Variants in MAP1LC3A observed in about 807,000 individuals in gnomAD.
MAP1LC3A encodes microtubule associated protein 1 light chain 3 alpha, also known as microtubule-associated protein 1 light chain 3 alpha.
MAP1LC3A carries 10 observed loss-of-function variants against 15.2 expected under a neutral mutation model. That is an observed-to-expected ratio of 0.66 (90% CI 0.41 to 1.12). The LOEUF is 1.12. Ranked by LOEUF, MAP1LC3A falls within the 50% of genes most tolerant of loss-of-function variation. MAP1LC3A has a pLI of 0.00. For missense variants in MAP1LC3A, 138 were observed against 167.3 expected (o/e 0.82, Z 0.97); for synonymous variants, 63 against 64.3 (o/e 0.98, Z 0.10).
upstream of MAP1LC3A, among the ~76,000 whole-genome samples, chr20:34,555,355 G>C (rs1198640672): frequency 6.6e-6 from 1 of 152,074 alleles, no homozygotes; most frequent in Admixed American, 6.5e-5. Flanking sequence ...ATGTTGGCCA[G>C]GCTGGTCTCG....
rs367621481 is a variant in MAP1LC3A, at chr20:34,559,465, G to T, written c.203+12G>T. ...GTCAAGATCATCCGGTGCGTGGGCAGCCGCCGCCAGGAGGTGGCTAGGGTC... is the reference window on the plus strand; with the variant it reads ...GTCAAGATCATCCGGTGCGTGGGCATCCGCCGCCAGGAGGTGGCTAGGGTC... On this transcript the variant is annotated intron_variant, in intron 3 of 3. Transcript: ENST00000360668. The T allele has an allele frequency of 2.9e-5, 46 of 1,606,826 alleles. No individual in the cohort carries two copies. Among genetic ancestry groups the T allele is most frequent in the Non-Finnish European group, 3.7e-5 (44 of 1,176,358 alleles).
intron 2 of MAP1LC3A, among the ~76,000 whole-genome samples, chr20:34,550,938 C>A (rs926351479): frequency 1.1e-4 from 16 of 152,088 alleles, no homozygotes; most frequent in Admixed American, 9.8e-4. Flanking sequence ...TCCATGGGAA[C>A]CTACTTGATA....
At chr20:34,551,080 T>C (rs1432117573) in intron 2 of MAP1LC3A, among the ~76,000 whole-genome samples, 2 of 151,532 alleles carry the variant, frequency 1.3e-5, no homozygotes, top group Non-Finnish European at 2.9e-5. Context: ...ACCCTGTCTC[T>C]ACTAAAAATA....
In MAP1LC3A at chr20:34,559,465, G is replaced by A. The variant is rs367621481; in HGVS notation, c.203+12G>A. 1 of 1,606,940 alleles carries A rather than the reference G, an allele frequency of 6.2e-7. No homozygotes were observed. The highest frequency in any genetic ancestry group is 8.5e-7 in the Non-Finnish European group (1 of 1,176,348). On this transcript the variant is annotated intron_variant, in intron 3 of 3. Transcript: ENST00000360668. ...GTCAAGATCATCCGGTGCGTGGGCA[G>A]CCGCCGCCAGGAGGTGGCTAGGGTC...
chr20:34,550,244 C>T (rs45538834), intron 2 of MAP1LC3A, among the ~76,000 whole-genome samples: 33 of 152,288 alleles, frequency 2.2e-4, no homozygotes, highest in Non-Finnish European at 4.1e-4. Context: ...CGAGGGTGCG[C>T]TTGACCGTGG....
rs75188134 is a variant in MAP1LC3A at position 34,553,172 on chromosome 20, G to A, written c.52+3143G>A. On this transcript the variant is annotated intron_variant, in intron 2 of 4. Transcript: ENST00000374837. ...CCGTTGCACTCCCTACCTAGGTGAC[G>A]AGCGAAATTGCATCTCAAAAATGAA... Among the ~76,000 whole-genome samples the A allele has an allele frequency of 4.5e-3, 681 of 152,220 alleles. 29 individuals are homozygous for A. The East Asian group carries it at 0.1, about 23-fold the overall frequency.
chr20:34,548,487 G>A (rs371247999), intron 1 of MAP1LC3A, among the ~76,000 whole-genome samples: 31 of 127,986 alleles, frequency 2.4e-4, no homozygotes, highest in African/African-American at 8.8e-4. Flanking sequence ...CACGCCCCTG[G>A]CTCAAGAGGA....
upstream of MAP1LC3A, chr20:34,558,180 C>T (rs1331167878): frequency 1.0e-6 from 1 of 976,010 alleles, no homozygotes. This position sits in a 1 kb window ranked among gnomAD's most constrained non-coding sequence, Gnocchi z 4.3. Flanking sequence ...CTTCTGTTGT[C>T]CTTTTCTGCC....
At chr20:34,553,969 A>G (rs1982045229), upstream of MAP1LC3A, among the ~76,000 whole-genome samples, 1 of 152,204 alleles carries the variant, frequency 6.6e-6, no homozygotes, top group Non-Finnish European at 1.5e-5. Flanking sequence ...TCCTGGGCAC[A>G]CACAGTGGAA....
chr20:34,550,939 C>T (rs1292836919), intron 2 of MAP1LC3A, among the ~76,000 whole-genome samples: 1 of 152,118 alleles, frequency 6.6e-6, no homozygotes. Flanking sequence ...CCATGGGAAC[C>T]TACTTGATAG....
upstream of MAP1LC3A, chr20:34,558,564 A>C (rs554924165): frequency 8.5e-7 from 1 of 1,173,192 alleles, no homozygotes; most frequent in African/African-American, 1.6e-5. The surrounding 1 kb of genome is among the most constrained non-coding windows in gnomAD (Gnocchi z 4.3). Flanking sequence ...CGGGACTGTG[A>C]CGCGCCCAGA....
intron 2 of MAP1LC3A, among the ~76,000 whole-genome samples, chr20:34,551,773 A>G (rs1981959596): frequency 6.6e-6 from 1 of 151,584 alleles, no homozygotes; most frequent in South Asian, 2.1e-4. Context: ...CATGTTCTCT[A>G]TCTTGAAAGG....
At chr20:34,554,085 G>C (rs991343463), upstream of MAP1LC3A, among the ~76,000 whole-genome samples, 2 of 151,956 alleles carry the variant, frequency 1.3e-5, no homozygotes, top group African/African-American at 4.8e-5. Context: ...GCAGTGGAAA[G>C]AGCCCATCTT....
chr20:34,550,694 G>A (rs1981916240), intron 2 of MAP1LC3A, among the ~76,000 whole-genome samples: 1 of 152,174 alleles, frequency 6.6e-6, no homozygotes, highest in African/African-American at 2.4e-5. Flanking sequence ...AGCACAAAAT[G>A]GAACAGCACT....
upstream of MAP1LC3A, among the ~76,000 whole-genome samples, chr20:34,557,219 A>C (rs191226734): frequency 1.3e-5 from 2 of 151,660 alleles, no homozygotes; most frequent in Admixed American, 1.3e-4. Context: ...CACATTTTCT[A>C]CCTCTGGTTT....
At chr20:34,558,446 C>A (rs1982240716), upstream of MAP1LC3A, 1 of 999,578 alleles carries the variant, frequency 1.0e-6, no homozygotes, top group African/African-American at 1.7e-5. This position sits in a 1 kb window ranked among gnomAD's most constrained non-coding sequence, Gnocchi z 4.3. Flanking sequence ...TGCCGTGGGG[C>A]TGCAGCCTGG....
In MAP1LC3A at chr20:34,560,165, T is replaced by G; in HGVS notation, c.*267T>G. On this transcript the variant is annotated 3_prime_UTR_variant, in exon 4 of 4. Transcript: ENST00000360668. ...CACCCCTGCTGTGTGGTTCATCTTTTTTTTAGGCCCCTGCCTGTCTGCCCA... is the reference window on the plus strand; with the variant it reads ...CACCCCTGCTGTGTGGTTCATCTTTGTTTTAGGCCCCTGCCTGTCTGCCCA... 1 of 350,892 alleles carries G rather than the reference T, an allele frequency of 2.8e-6. No homozygotes were observed. The highest frequency in any genetic ancestry group is 5.9e-5 in the East Asian group (1 of 16,998). 21.7% of individuals were successfully genotyped at this position (350,892 alleles called of 1,614,324 possible).
At chr20:34,556,977 C>A (rs1247086202), upstream of MAP1LC3A, among the ~76,000 whole-genome samples, 1 of 152,236 alleles carries the variant, frequency 6.6e-6, no homozygotes, top group African/African-American at 2.4e-5. Context: ...TTCCTCCTCG[C>A]ATCATTTCAT....
intron 1 of MAP1LC3A, 123 bp downstream of exon 1, chr20:34,559,031 C>T (rs1177037472): frequency 2.2e-6 from 3 of 1,336,298 alleles, no homozygotes; most frequent in South Asian, 1.9e-5. Context: ...GGACCAGCTC[C>T]GGCCTGGGCG....
Sources: allele counts gnomAD v4.1 joint callset (sites outside exome capture counted in the v4.1 genomes callset), GRCh38; gene constraint gnomAD v4.1.1; non-coding constraint Gnocchi (gnomAD v3.1); transcripts MANE v1.5; gene names NCBI Gene and HGNC (gene_info 2026-07-23, HGNC 2026-07-21).